OR2A42: variants seen among roughly 807,000 people sequenced by gnomAD.
The protein encoded by OR2A42 is olfactory receptor family 2 subfamily A member 42.
For synonymous variants in OR2A42, 5 were observed against 46.4 expected (o/e 0.11, Z 3.63); for missense variants, 3 against 104.1 (o/e 0.03, Z 4.23).
chr7:144,235,583 A>G (rs1254873855), intron 2 of OR2A42, among the ~76,000 whole-genome samples: 1 of 152,176 alleles, frequency 6.6e-6, no homozygotes, highest in East Asian at 1.9e-4. Flanking sequence ...AATACAAATG[A>G]ATAAATGAAT....
intron 2 of OR2A42, among the ~76,000 whole-genome samples, chr7:144,237,951 C>G (rs1586964940): frequency 7.0e-6 from 1 of 142,438 alleles, no homozygotes; most frequent in African/African-American, 2.6e-5. Context: ...GTGATAGTAC[C>G]TATTTTATGA....
Position 144,230,137 on chromosome 7 carries a change from TTTTGTTTGTTTG to T in OR2A42, c.*1762_*1773del, listed in dbSNP as rs71242227. ...ACGCACCAGTATAAAAAAAGCTGTT[TTTTGTTTGTTTG>T]TTTGTTTGTTTGTTTGTTTTTCCCC... On this transcript the variant is annotated 3_prime_UTR_variant, in exon 3 of 3. Coordinates refer to ENST00000641810, the MANE Select transcript of OR2A42 (RefSeq NM_001001802.3). 147 of 110,432 alleles carry T rather than the reference TTTTGTTTGTTTG, an allele frequency of 1.3e-3. No individual in the cohort carries two copies. The highest frequency in any genetic ancestry group is 3.9e-3 in the Middle Eastern group (1 of 256). 6.8% of individuals were successfully genotyped at this position (110,432 alleles called of 1,614,324 possible). A position where few individuals can be genotyped will look rare whatever the true frequency, so the allele number is the denominator to read the frequency against.
intron 2 of OR2A42, among the ~76,000 whole-genome samples, chr7:144,237,946 A>C (rs1248925203): frequency 7.0e-6 from 1 of 143,514 alleles, no homozygotes; most frequent in African/African-American, 2.6e-5. Flanking sequence ...GAAAAGTGAT[A>C]GTACCTATTT....
intron 2 of OR2A42, among the ~76,000 whole-genome samples, chr7:144,235,060 C>G (rs1237753119): frequency 8.2e-5 from 12 of 146,942 alleles, no homozygotes; most frequent in Non-Finnish European, 1.6e-4. Flanking sequence ...AGTGATCCTC[C>G]CCCTCAGCCT....
rs2052360130 is a variant in OR2A42, at chr7:144,230,497, T to C, written c.*1414A>G. The C allele has an allele frequency of 2.0e-5, 3 of 147,058 alleles. No homozygotes were observed. In the South Asian group the frequency reaches 6.4e-4, roughly 31 times the overall value. The allele number at this position is 147,058 out of a possible 1,614,324, so 9.1% of individuals were successfully genotyped here. Reference sequence around the variant, plus strand: ...CTTACTTGTAAGGTTCTTGGAATAGTGCTTCACTAAGCACTGTGCGTATAT... The same window carrying C: ...CTTACTTGTAAGGTTCTTGGAATAGCGCTTCACTAAGCACTGTGCGTATAT... On this transcript the variant is annotated 3_prime_UTR_variant, in exon 3 of 3. Transcript: ENST00000641810.
chr7:144,233,162 TAATC>T (rs1218191701), intron 2 of OR2A42, among the ~76,000 whole-genome samples: 1 of 142,634 alleles, frequency 7.0e-6, no homozygotes, highest in East Asian at 2.1e-4. Context: ...AGTGTAGAAA[TAATC>T]AGTAATGGAA....
rs2052444892 is a variant in OR2A42, at chr7:144,237,522, T to C, written c.-5+910A>G. Among the ~76,000 whole-genome samples the C allele has an allele frequency of 2.0e-5, 3 of 149,446 alleles. 1 individual carries two copies. The highest frequency in any genetic ancestry group is 4.5e-5 in the Non-Finnish European group (3 of 66,762). ...AGGCAAGATTTAAGCAAGCCAGAAA[T>C]TCCAGATTCAGTCCAAAGACGGTAA... On this transcript the variant is annotated intron_variant, in intron 2 of 2. Coordinates refer to ENST00000641810, the MANE Select transcript of OR2A42 (RefSeq NM_001001802.3).
chr7:144,238,844 C>G (rs1186525102), intron 1 of OR2A42, 101 bp from the exon 2 acceptor site: 5 of 149,954 alleles, frequency 3.3e-5, no homozygotes, highest in Admixed American at 1.3e-4. Flanking sequence ...GAGCACACCT[C>G]TGAGACAACA....
rs1187680720 is a variant in OR2A42, at chr7:144,230,456, G to A, written c.*1455C>T. 3 of 140,918 alleles carry A rather than the reference G, an allele frequency of 2.1e-5. No individual in the cohort carries two copies. The highest frequency in any genetic ancestry group is 3.1e-5 in the Non-Finnish European group (2 of 64,474). 8.7% of individuals were successfully genotyped at this position (140,918 alleles called of 1,614,324 possible). On this transcript the variant is annotated 3_prime_UTR_variant, in exon 3 of 3. Transcript: ENST00000641810. Reference sequence around the variant, plus strand: ...AGTCTCTACCTCATAGGGTTTTTATGAGGACTTAAAGAGCTCTTACTTGTA... The same window carrying A: ...AGTCTCTACCTCATAGGGTTTTTATAAGGACTTAAAGAGCTCTTACTTGTA...
At chr7:144,237,689 G>A (rs1354717387) in intron 2 of OR2A42, among the ~76,000 whole-genome samples, 1 of 150,286 alleles carries the variant, frequency 6.7e-6, no homozygotes, top group African/African-American at 2.4e-5. Context: ...GAATATGGTA[G>A]GTGTTCAATA....
chr7:144,235,783 TA>T (rs1385293231), intron 2 of OR2A42, among the ~76,000 whole-genome samples: 189 of 148,798 alleles, frequency 1.3e-3, no homozygotes, highest in Admixed American at 7.5e-3. Flanking sequence ...AAGGAGAGAC[TA>T]AAAAAAAAAA....
chr7:144,228,430 T>G lies in OR2A42; in HGVS notation c.*3481A>C, dbSNP rs2052327895. The G allele has an allele frequency of 1.1e-5, 1 of 94,308 alleles. No individual in the cohort carries two copies. Among genetic ancestry groups the G allele is most frequent in the African/African-American group, 4.5e-5 (1 of 22,160 alleles). 5.8% of individuals were successfully genotyped at this position (94,308 alleles called of 1,614,324 possible). A position where few individuals can be genotyped will look rare whatever the true frequency, so the allele number is the denominator to read the frequency against. On this transcript the variant is annotated 3_prime_UTR_variant, in exon 3 of 3. Coordinates refer to ENST00000641810, the MANE Select transcript of OR2A42 (RefSeq NM_001001802.3). ...AATAAATTAATTAATTACACTAAAC[T>G]TTATTTCCCCCCCCCCTTTAATGTT...
At chr7:144,237,828 G>A (rs1251624866) in intron 2 of OR2A42, among the ~76,000 whole-genome samples, 14 of 149,464 alleles carry the variant, frequency 9.4e-5, no homozygotes, top group South Asian at 4.2e-4. Flanking sequence ...AAAAAAAGTA[G>A]CAATTAAAGA....
chr7:144,237,987 G>T (rs2052453370), intron 2 of OR2A42, among the ~76,000 whole-genome samples: 1 of 139,384 alleles, frequency 7.2e-6, no homozygotes. Flanking sequence ...TAATTGAGAT[G>T]ATCTGTGTTA....
At position 144,229,145 on chromosome 7, in the gene OR2A42, C is replaced by G. The variant is rs1421311028; in HGVS notation, c.*2766G>C. On this transcript the variant is annotated 3_prime_UTR_variant, in exon 3 of 3. Coordinates refer to ENST00000641810, the MANE Select transcript of OR2A42 (RefSeq NM_001001802.3). ...TTCCAGATCAGAAAGTTTAGCAACC[C>G]TGACAGGTTTAAAATAACTTCTGAC... 7.0e-5 allele frequency: 9 copies of G among 129,210 alleles called. 1 individual carries two copies. Among genetic ancestry groups the G allele is most frequent in the African/African-American group, 1.1e-4 (4 of 36,580 alleles). The allele number at this position is 129,210 out of a possible 1,614,324, so 8.0% of individuals were successfully genotyped here. A position where few individuals can be genotyped will look rare whatever the true frequency, so the allele number is the denominator to read the frequency against.
Position 144,228,265 on chromosome 7 carries a change from A to T in OR2A42, c.*3646T>A, listed in dbSNP as rs2052326723. 2.2e-5 allele frequency: 3 copies of T among 137,778 alleles called. 1 individual carries two copies. Among genetic ancestry groups the T allele is most frequent in the Middle Eastern group, 7.3e-3 (2 of 274 alleles). The allele number at this position is 137,778 out of a possible 1,614,324, so 8.5% of individuals were successfully genotyped here. Reference sequence around the variant, plus strand: ...TTTAGTCAAAGTTTATTGAGTGTCTACTATGAACAGGCCTGTTGCCAACCA... The same window carrying T: ...TTTAGTCAAAGTTTATTGAGTGTCTTCTATGAACAGGCCTGTTGCCAACCA... On this transcript the variant is annotated 3_prime_UTR_variant, in exon 3 of 3. Transcript: ENST00000641810.
Position 144,228,288 on chromosome 7 carries a change from C to G in OR2A42, c.*3623G>C, listed in dbSNP as rs2052326950. 1.5e-5 allele frequency: 2 copies of G among 136,028 alleles called. 1 individual carries two copies. The highest frequency in any genetic ancestry group is 3.2e-5 in the Non-Finnish European group (2 of 62,400). The allele number at this position is 136,028 out of a possible 1,614,324, so 8.4% of individuals were successfully genotyped here. A position where few individuals can be genotyped will look rare whatever the true frequency, so the allele number is the denominator to read the frequency against. On this transcript the variant is annotated 3_prime_UTR_variant, in exon 3 of 3. Transcript: ENST00000641810. ...CTACTATGAACAGGCCTGTTGCCAA[C>G]CATTCAGGAGATGAATATCAGGAGG...
In OR2A42 at chr7:144,228,760, C is replaced by T. The variant is rs1225268295; in HGVS notation, c.*3151G>A. On this transcript the variant is annotated 3_prime_UTR_variant, in exon 3 of 3. Transcript: ENST00000641810. ...GAGATGAACCAGTGCTTGTCCTTCC[C>T]TTTGTGAAGCAATGAATGAAACATA... 553 of 135,834 alleles carry T rather than the reference C, an allele frequency of 4.1e-3. No homozygotes were observed. The highest frequency in any genetic ancestry group is 0.015 in the African/African-American group (524 of 34,806). 8.4% of individuals were successfully genotyped at this position (135,834 alleles called of 1,614,324 possible).
At chr7:144,235,239 G>T in intron 2 of OR2A42, among the ~76,000 whole-genome samples, 1 of 147,630 alleles carries the variant, frequency 6.8e-6, no homozygotes, top group Non-Finnish European at 1.5e-5. Flanking sequence ...TTGTAGGCAT[G>T]AACCGTGTAC....
Sources: gnomAD v4.1 joint callset for allele counts (sites outside exome capture counted in the v4.1 genomes callset) on GRCh38, gnomAD v4.1.1 for gene constraint, MANE v1.5 for transcripts, NCBI Gene and HGNC (gene_info 2026-07-23, HGNC 2026-07-21) for gene names.